NRXN1: variants seen among roughly 807,000 people sequenced by gnomAD.
NRXN1 encodes neurexin 1.
NRXN1 carries 39 observed loss-of-function variants against 150.9 expected under a neutral mutation model. The ratio of observed to expected loss-of-function variants is 0.26; its 90% CI spans 0.20 to 0.34. NRXN1 has a LOEUF of 0.34. Among genes scored for constraint, NRXN1 ranks in the 10% least tolerant of loss-of-function variants. NRXN1 has a pLI of 1.00. For missense variants in NRXN1, 1,815 were observed against 1,949.9 expected (o/e 0.93, Z 1.30); for synonymous variants, 924 against 757.0 (o/e 1.22, Z -3.62).
chr2:50,990,409 C>T (rs1001691648), intron 2 of NRXN1, among the ~76,000 whole-genome samples: 5 of 152,084 alleles, frequency 3.3e-5, no homozygotes, highest in African/African-American at 1.2e-4. Flanking sequence ...AAGCTTTTAG[C>T]TCATTACACT....
intron 7 of NRXN1, 97 bp downstream of exon 7, chr2:50,621,129 A>T (rs921153304): frequency 9.3e-7 from 1 of 1,071,408 alleles, no homozygotes; most frequent in Admixed American, 2.6e-5. Context: ...TCTTTTGTTA[A>T]TGATGTCTAC....
Position 50,608,731 on chromosome 2 carries a change from C to G in NRXN1, c.1320+11291G>C, listed in dbSNP as rs143687895. On this transcript the variant is annotated intron_variant, in intron 8 of 22. Coordinates refer to ENST00000401669, the MANE Select transcript of NRXN1 (RefSeq NM_001330078.2). ...AATGTTACTGAATAAGGTCAATTTA[C>G]TCTTTCAAACAAACATTTCAGACGC... Among the ~76,000 whole-genome samples the G allele has an allele frequency of 4.6e-3, 701 of 152,212 alleles. 7 individuals carry two copies. The highest frequency in any genetic ancestry group is 0.016 in the African/African-American group (665 of 41,532).
chr2:50,553,139 A>G, intron 8 of NRXN1, 114 bp from the exon 9 acceptor site: 1 of 764,790 alleles, frequency 1.3e-6, no homozygotes. Flanking sequence ...ATATTTAGTT[A>G]ATTTTGTTGT....
intron 5 of NRXN1, among the ~76,000 whole-genome samples, chr2:50,854,140 G>C (rs1413169124): frequency 6.6e-6 from 1 of 152,000 alleles, no homozygotes; most frequent in Non-Finnish European, 1.5e-5. Flanking sequence ...TATAGCAATA[G>C]ATGTTTCTCT....
chr2:50,082,983 C>CA (rs150061519), intron 19 of NRXN1, among the ~76,000 whole-genome samples: 3,498 of 152,000 alleles, frequency 0.023, 139 homozygotes, highest in African/African-American at 0.08. Flanking sequence ...GTTTTGGGGG[C>CA]AAAAAATCAG....
intron 18 of NRXN1, among the ~76,000 whole-genome samples, chr2:50,166,781 ATTC>A (rs1204364555): frequency 6.6e-6 from 1 of 152,136 alleles, no homozygotes; most frequent in Admixed American, 6.5e-5. Context: ...TTGTCTGAAA[ATTC>A]TTCTGAAGAA....
chr2:50,564,719 G>C (rs1340959563), intron 8 of NRXN1, among the ~76,000 whole-genome samples: 31 of 151,948 alleles, frequency 2.0e-4, no homozygotes, highest in Non-Finnish European at 2.9e-5. Context: ...CTAACTAAAA[G>C]GGCCCTAAAA....
At chr2:50,509,864 T>C (rs1303632377) in intron 12 of NRXN1, among the ~76,000 whole-genome samples, 1 of 152,078 alleles carries the variant, frequency 6.6e-6, no homozygotes, top group Admixed American at 6.6e-5. Flanking sequence ...CACAAAGTGA[T>C]GGTATGAGAA....
chr2:50,813,499 C>A (rs758188553), intron 5 of NRXN1, among the ~76,000 whole-genome samples: 1 of 151,966 alleles, frequency 6.6e-6, no homozygotes, highest in Non-Finnish European at 1.5e-5. Flanking sequence ...AAGTAAAAAT[C>A]GTTGATTATT....
intron 18 of NRXN1, 51 bp downstream of exon 18, chr2:50,236,738 A>G: frequency 1.3e-6 from 2 of 1,567,056 alleles, no homozygotes; most frequent in Non-Finnish European, 1.8e-6. Context: ...ATTCTTTACA[A>G]AAAGTTAACA....
chr2:50,115,930 C>T (rs1702997898), intron 18 of NRXN1, among the ~76,000 whole-genome samples: 1 of 152,056 alleles, frequency 6.6e-6, no homozygotes, highest in Admixed American at 6.6e-5. Context: ...TTCATAGGAT[C>T]AGTCTTGGGG....
At chr2:50,708,981 T>C (rs1181198619) in intron 5 of NRXN1, among the ~76,000 whole-genome samples, 1 of 152,166 alleles carries the variant, frequency 6.6e-6, no homozygotes, top group Non-Finnish European at 1.5e-5. Context: ...CAGGGTTCTA[T>C]GCAGACATTT....
intron 15 of NRXN1, among the ~76,000 whole-genome samples, chr2:50,485,741 A>G (rs1286797990): frequency 6.6e-6 from 1 of 152,226 alleles, no homozygotes; most frequent in Non-Finnish European, 1.5e-5. Flanking sequence ...CCCCCTACAC[A>G]GGGATTAAGG....
At chr2:50,135,805 G>A (rs1379381876) in intron 18 of NRXN1, among the ~76,000 whole-genome samples, 1 of 152,206 alleles carries the variant, frequency 6.6e-6, no homozygotes, top group Non-Finnish European at 1.5e-5. Flanking sequence ...AGACTTTCAT[G>A]TAGGAGAGAA....
chr2:50,674,990 T>C (rs1689351990), intron 5 of NRXN1, among the ~76,000 whole-genome samples: 1 of 151,612 alleles, frequency 6.6e-6, no homozygotes, highest in Non-Finnish European at 1.5e-5. Flanking sequence ...AGATGATCCC[T>C]CAGAAATGGC....
At chr2:50,382,154 G>A (rs2081018469) in intron 17 of NRXN1, among the ~76,000 whole-genome samples, 1 of 152,140 alleles carries the variant, frequency 6.6e-6, no homozygotes, top group African/African-American at 2.4e-5. Flanking sequence ...GTAAAGGAAT[G>A]AAGACCTTAC....
chr2:50,034,188 C>A (rs1689649420), intron 21 of NRXN1, among the ~76,000 whole-genome samples: 1 of 152,044 alleles, frequency 6.6e-6, no homozygotes, highest in Non-Finnish European at 1.5e-5. Context: ...AAGACACATG[C>A]ACACATATGT....
chr2:50,391,361 A>C (rs2081680193), intron 17 of NRXN1, among the ~76,000 whole-genome samples: 1 of 152,150 alleles, frequency 6.6e-6, no homozygotes, highest in Non-Finnish European at 1.5e-5. Context: ...TATAGAGCAA[A>C]ATTTTATTAG....
chr2:50,877,767 G>C (rs1265243544), intron 5 of NRXN1, among the ~76,000 whole-genome samples: 3 of 151,864 alleles, frequency 2.0e-5, no homozygotes, highest in Non-Finnish European at 4.4e-5. Flanking sequence ...ATAAAACCAT[G>C]AGTGTAACTT....
Sources: gnomAD v4.1 joint callset for allele counts (sites outside exome capture counted in the v4.1 genomes callset) on GRCh38, gnomAD v4.1.1 for gene constraint, MANE v1.5 for transcripts, NCBI Gene and HGNC (gene_info 2026-07-23, HGNC 2026-07-21) for gene names.